ASAP2: variants seen among roughly 807,000 people sequenced by gnomAD.
ASAP2 encodes ArfGAP with SH3 domain, ankyrin repeat and PH domain 2, also known as arf-GAP with SH3 domain, ANK repeat and PH domain-containing protein 2.
Under a neutral mutation model 131.4 loss-of-function variants are expected in ASAP2, and 45 were observed. That is an observed-to-expected ratio of 0.34 (90% confidence interval 0.27 to 0.44). The LOEUF (loss-of-function observed/expected upper bound fraction) is 0.44. Among genes scored for constraint, ASAP2 ranks in the 20% least tolerant of loss-of-function variants. ASAP2 has a pLI of 1.00. For synonymous variants in ASAP2, 510 were observed against 503.0 expected, an observed-to-expected ratio of 1.01 and a Z score of -0.19; for missense variants, 1,011 against 1,297.0, an observed-to-expected ratio of 0.78 and a Z score of 3.39.
intron 15 of ASAP2, among the ~76,000 whole-genome samples, chr2:9,368,200 C>T (rs941428649): frequency 5.3e-5 from 8 of 152,296 alleles, no homozygotes; most frequent in Middle Eastern, 3.4e-3. Flanking sequence ...CTATCCAGAG[C>T]GCGTTTTATG....
intron 1 of ASAP2, among the ~76,000 whole-genome samples, chr2:9,216,253 G>A (rs1458662437): frequency 6.6e-6 from 1 of 151,582 alleles, no homozygotes; most frequent in African/African-American, 2.4e-5. Flanking sequence ...GGGATATCCA[G>A]AGTGTGGGTG....
At chr2:9,336,258 C>T (rs1358267757) in intron 9 of ASAP2, among the ~76,000 whole-genome samples, 2 of 152,090 alleles carry the variant, frequency 1.3e-5, no homozygotes, top group East Asian at 3.9e-4. Flanking sequence ...ACTTTTGCTG[C>T]TGTTCCTTTA....
At chr2:9,314,424 T>C (rs1172224876) in intron 3 of ASAP2, among the ~76,000 whole-genome samples, 1 of 152,262 alleles carries the variant, frequency 6.6e-6, no homozygotes, top group African/African-American at 2.4e-5. Flanking sequence ...CTGAAGCCCC[T>C]GTAGATTCTG....
At position 9,400,765 on chromosome 2, in the gene ASAP2, C is replaced by G. The variant is rs2148829949; in HGVS notation, c.2758C>G (p.Leu920Val). 2 of 1,613,788 alleles carry G rather than the reference C, an allele frequency of 1.2e-6. No individual in the cohort carries two copies. Among genetic ancestry groups the G allele is most frequent in the East Asian group, 2.2e-5 (1 of 44,866 alleles). ...GPVDLSATEA[L>V]GPLSNAMVLQ... Reference sequence around the variant, plus strand: ...AGTGGATCTCTCTGCAACGGAAGCTCTGGGTCCTCTGTCCAATGCTATGGT... The same window carrying G: ...AGTGGATCTCTCTGCAACGGAAGCTGTGGGTCCTCTGTCCAATGCTATGGT... The change falls in exon 26 of 28, where the codon CTG (leucine) becomes GTG (valine). Residue 920 changes from leucine (L) to valine (V), a missense_variant. Transcript: ENST00000281419.
At chr2:9,253,379 G>C (rs376734786) in intron 1 of ASAP2, among the ~76,000 whole-genome samples, 1 of 152,024 alleles carries the variant, frequency 6.6e-6, no homozygotes, top group Non-Finnish European at 1.5e-5. Context: ...GGCCAGGCTG[G>C]TCTCCAACTC....
chr2:9,400,452 C>A (rs1167804162), intron 25 of ASAP2, among the ~76,000 whole-genome samples: 1 of 144,682 alleles, frequency 6.9e-6, no homozygotes, highest in Non-Finnish European at 1.5e-5. Flanking sequence ...CTCCTCCCTC[C>A]TGCCATCCTC....
At chr2:9,344,864 T>C (rs866576370) in intron 11 of ASAP2, 64 bp downstream of exon 11, 1 of 1,441,848 alleles carries the variant, frequency 6.9e-7, no homozygotes, top group Non-Finnish European at 9.7e-7. Context: ...TGGAGGACTT[T>C]CTGAAGTTAG....
At chr2:9,227,935 G>A (rs1413715248) in intron 1 of ASAP2, among the ~76,000 whole-genome samples, 2 of 152,230 alleles carry the variant, frequency 1.3e-5, no homozygotes, top group African/African-American at 2.4e-5. Flanking sequence ...TCAGAAGAGA[G>A]TTAATAGTAC....
chr2:9,360,941 T>A (rs1014109273), intron 15 of ASAP2, among the ~76,000 whole-genome samples: 1 of 152,176 alleles, frequency 6.6e-6, no homozygotes, highest in Non-Finnish European at 1.5e-5. Flanking sequence ...TTTAAATGTG[T>A]CTCAGAAATT....
At chr2:9,397,737 TATATATATATATA>T (rs1424920934) in intron 24 of ASAP2, among the ~76,000 whole-genome samples, 2 of 89,912 alleles carry the variant, frequency 2.2e-5, no homozygotes, top group African/African-American at 1.7e-4. Context: ...GATATATATA[TATATATATATATA>T]TTTTTTTTTT....
intron 1 of ASAP2, among the ~76,000 whole-genome samples, chr2:9,227,024 G>T (rs908852200): frequency 6.6e-6 from 1 of 152,160 alleles, no homozygotes; most frequent in East Asian, 1.9e-4. Flanking sequence ...AGGTGTTCGG[G>T]TCCTGCTCCC....
intron 24 of ASAP2, among the ~76,000 whole-genome samples, chr2:9,394,289 C>T (rs192896775): frequency 3.5e-4 from 53 of 151,698 alleles, no homozygotes; most frequent in African/African-American, 1.2e-3. Flanking sequence ...CTGAGCCTCC[C>T]GAGTAGCTGG....
chr2:9,255,803 G>C (rs1054453997), intron 1 of ASAP2, among the ~76,000 whole-genome samples: 19 of 152,298 alleles, frequency 1.2e-4, no homozygotes, highest in Middle Eastern at 3.4e-3. Flanking sequence ...TTTATACTCT[G>C]ATGTTTGCAT....
chr2:9,254,642 G>A (rs1369627127), intron 1 of ASAP2, among the ~76,000 whole-genome samples: 3 of 149,298 alleles, frequency 2.0e-5, no homozygotes, highest in Non-Finnish European at 3.0e-5. Context: ...CCAAAGTGCT[G>A]GGATTACAGG....
intron 15 of ASAP2, among the ~76,000 whole-genome samples, chr2:9,366,460 G>T (rs1279400964): frequency 2.0e-5 from 3 of 152,182 alleles, no homozygotes; most frequent in South Asian, 2.1e-4. Context: ...GTCCTGCTTG[G>T]ATTGTATGCT....
At chr2:9,214,991 T>C (rs1286956764) in intron 1 of ASAP2, among the ~76,000 whole-genome samples, 1 of 152,238 alleles carries the variant, frequency 6.6e-6, no homozygotes, top group African/African-American at 2.4e-5. Context: ...ATCACAGTCA[T>C]GCATTGCTTA....
Position 9,376,962 on chromosome 2 carries a change from C to T in ASAP2, c.1801C>T (p.Leu601Phe). 1 of 1,614,142 alleles carries T rather than the reference C, an allele frequency of 6.2e-7. No individual in the cohort carries two copies. Among genetic ancestry groups the T allele is most frequent in the Non-Finnish European group, 8.5e-7 (1 of 1,180,012 alleles). ...AGTCAGATCCGTGGATCGAACCTCT[C>T]TTCACATTGTAGACTTTTTAGTTCA... Reference protein sequence around the residue: ...LAVRSVDRTSLHIVDFLVQNS... With the variant: ...LAVRSVDRTSFHIVDFLVQNS... The change falls in exon 18 of 28, where the codon CTT (leucine) becomes TTT (phenylalanine). Residue 601 changes from leucine (L) to phenylalanine (F), a missense_variant. Transcript: ENST00000281419.
intron 3 of ASAP2, among the ~76,000 whole-genome samples, chr2:9,312,555 T>C (rs1357597778): frequency 2.0e-5 from 3 of 152,342 alleles, no homozygotes; most frequent in African/African-American, 7.2e-5. Context: ...CTAGAAATAA[T>C]GTTCTCTTCA....
chr2:9,328,915 A>G (rs1326654687), intron 7 of ASAP2, among the ~76,000 whole-genome samples: 3 of 152,272 alleles, frequency 2.0e-5, no homozygotes, highest in Admixed American at 6.5e-5. Flanking sequence ...AAGAAAGAAT[A>G]TAATACAGGG....
Sources: gnomAD v4.1 joint callset for allele counts (sites outside exome capture counted in the v4.1 genomes callset) on GRCh38, gnomAD v4.1.1 for gene constraint, MANE v1.5 for transcripts, NCBI Gene and HGNC (gene_info 2026-07-23, HGNC 2026-07-21) for gene names.